USP32: variants seen among roughly 807,000 people sequenced by gnomAD.
The protein encoded by USP32 is ubiquitin specific peptidase 32, also known as ubiquitin carboxyl-terminal hydrolase 32.
USP32 carries 59 observed loss-of-function variants against 204.8 expected under a neutral mutation model. That is an observed-to-expected ratio of 0.29 (90% CI 0.23 to 0.36). The LOEUF (loss-of-function observed/expected upper bound fraction) is 0.36, where lower values mean the gene tolerates loss of function less well. Among genes scored for constraint, USP32 ranks in the 10% least tolerant of loss-of-function variants. The pLI is 1.00. For synonymous variants in USP32, 517 were observed against 678.4 expected (o/e 0.76, Z 3.70); for missense variants, 1,160 against 1,946.4 (o/e 0.60, Z 7.60).
At chr17:60,205,715 C>G in intron 25 of USP32, 57 bp from the exon 26 acceptor site, 1 of 1,565,640 alleles carries the variant, frequency 6.4e-7, no homozygotes, top group Non-Finnish European at 8.7e-7. Flanking sequence ...CATCTTTGCT[C>G]TTTTCTCAAG....
chr17:60,222,339 C>T (rs751890479), intron 15 of USP32, 70 bp downstream of exon 15: 52 of 1,545,380 alleles, frequency 3.4e-5, no homozygotes, highest in Non-Finnish European at 4.6e-5. Flanking sequence ...GTGAGAGTCA[C>T]ATAGAAAAAG....
chr17:60,373,891 T>C (rs1395552688), intron 1 of USP32, among the ~76,000 whole-genome samples: 1 of 152,226 alleles, frequency 6.6e-6, no homozygotes, highest in Non-Finnish European at 1.5e-5. Context: ...TTACTATTCA[T>C]GTTTTATTTT....
chr17:60,213,688 T>C (rs1269902452), intron 17 of USP32, 26 bp from the exon 18 acceptor site: 4 of 1,150,926 alleles, frequency 3.5e-6, no homozygotes, highest in Non-Finnish European at 1.2e-6. Context: ...GAAATGTTTT[T>C]GTTATTTGGT....
At chr17:60,406,455 A>T (rs967993663) in intron 1 of USP32, among the ~76,000 whole-genome samples, 8 of 152,156 alleles carry the variant, frequency 5.3e-5, no homozygotes, top group Non-Finnish European at 8.8e-5. Context: ...CTGGGATCAC[A>T]GGCGTGTGCC....
chr17:60,419,863 T>A (rs1372220570), intron 1 of USP32, among the ~76,000 whole-genome samples: 4 of 140,886 alleles, frequency 2.8e-5, no homozygotes, highest in Non-Finnish European at 6.3e-5. Flanking sequence ...TATTATTATT[T>A]TATTATTATT....
intron 6 of USP32, among the ~76,000 whole-genome samples, chr17:60,269,795 A>G (rs2086682865): frequency 6.6e-6 from 1 of 152,166 alleles, no homozygotes; most frequent in Admixed American, 6.6e-5. Flanking sequence ...ATGTCCATCT[A>G]TATTTATCTT....
At chr17:60,202,770 T>C (rs575810548) in intron 26 of USP32, among the ~76,000 whole-genome samples, 2 of 149,372 alleles carry the variant, frequency 1.3e-5, no homozygotes, top group African/African-American at 5.1e-5. Context: ...AAACAGTATA[T>C]CCATATATCC....
chr17:60,310,472 G>A (rs1249387537), intron 2 of USP32, among the ~76,000 whole-genome samples: 1 of 149,766 alleles, frequency 6.7e-6, no homozygotes, highest in East Asian at 2.0e-4. Flanking sequence ...AGGCTGAGGT[G>A]GGCAGATCAT....
intron 2 of USP32, among the ~76,000 whole-genome samples, chr17:60,306,946 A>T (rs985392474): frequency 1.3e-5 from 2 of 152,196 alleles, no homozygotes; most frequent in African/African-American, 4.8e-5. Context: ...GCTACAAAGA[A>T]TATAAAATAC....
At chr17:60,224,817 T>C (rs772737137) in intron 13 of USP32, among the ~76,000 whole-genome samples, 2 of 151,986 alleles carry the variant, frequency 1.3e-5, no homozygotes, top group Non-Finnish European at 2.9e-5. Context: ...TAGGGTAAGA[T>C]TGAGGGTTCT....
chr17:60,203,687 C>T (rs575702567), intron 26 of USP32, among the ~76,000 whole-genome samples: 248 of 152,222 alleles, frequency 1.6e-3, no homozygotes, highest in African/African-American at 5.8e-3. Flanking sequence ...AGCGATTCTC[C>T]TGCCTCAGCC....
At chr17:60,322,195 A>T (rs2088129484) in intron 2 of USP32, among the ~76,000 whole-genome samples, 1 of 152,084 alleles carries the variant, frequency 6.6e-6, no homozygotes, top group Admixed American at 6.6e-5. Flanking sequence ...AGGTTATTTT[A>T]AGATGAGTTC....
chr17:60,394,402 A>AT (rs1205021237), upstream of USP32, among the ~76,000 whole-genome samples: 1 of 152,196 alleles, frequency 6.6e-6, no homozygotes, highest in Non-Finnish European at 1.5e-5. Flanking sequence ...AGGCTTGGGT[A>AT]TTTATCTACC....
Position 60,226,077 on chromosome 17 carries a change from ATGT to A in USP32, c.1391_1393del (p.Asn464del). The A allele has an allele frequency of 6.2e-7, 1 of 1,606,524 alleles. No homozygotes were observed. ...TTCTGAGGCTTCAGATGCAGTAGAAATGTTGTCTGAAAATTTCTCTTCTGTAGT... is the reference window on the plus strand; with the variant it reads ...TTCTGAGGCTTCAGATGCAGTAGAAATGTCTGAAAATTTCTCTTCTGTAGT... On this transcript the variant is annotated inframe_deletion, in exon 13 of 34. Coordinates refer to ENST00000300896, the MANE Select transcript of USP32 (RefSeq NM_032582.4).
At chr17:60,346,224 C>T (rs2088782062) in intron 1 of USP32, among the ~76,000 whole-genome samples, 1 of 151,976 alleles carries the variant, frequency 6.6e-6, no homozygotes, top group African/African-American at 2.4e-5. Flanking sequence ...AGATTAAAAG[C>T]ATGAGCCAGC....
At chr17:60,347,894 G>T (rs749830854) in intron 1 of USP32, among the ~76,000 whole-genome samples, 1 of 151,168 alleles carries the variant, frequency 6.6e-6, no homozygotes, top group Non-Finnish European at 1.5e-5. Context: ...AGGCTGAGGC[G>T]GGCGGATCAC....
chr17:60,323,927 C>A (rs2088171197), intron 2 of USP32, among the ~76,000 whole-genome samples: 1 of 152,140 alleles, frequency 6.6e-6, no homozygotes, highest in African/African-American at 2.4e-5. Flanking sequence ...AGTAAAGTTG[C>A]CACCCATGCA....
At chr17:60,363,323 C>T (rs1459708819) in intron 1 of USP32, among the ~76,000 whole-genome samples, 1 of 151,194 alleles carries the variant, frequency 6.6e-6, no homozygotes, top group South Asian at 2.1e-4. Context: ...GGCGTAGCGG[C>T]GTGCACCTGT....
intron 26 of USP32, among the ~76,000 whole-genome samples, chr17:60,199,794 C>T (rs2145446628): frequency 6.6e-6 from 1 of 152,306 alleles, no homozygotes; most frequent in African/African-American, 2.4e-5. Flanking sequence ...GCTAAACCCA[C>T]ACAATTTTCA....
Sources: allele counts gnomAD v4.1 joint callset (sites outside exome capture counted in the v4.1 genomes callset), GRCh38; gene constraint gnomAD v4.1.1; transcripts MANE v1.5; gene names NCBI Gene and HGNC (gene_info 2026-07-23, HGNC 2026-07-21).